The following HSD17B4 variants were observed in gnomAD, a reference collection of about 807,000 sequenced individuals.
HSD17B4 encodes hydroxysteroid 17-beta dehydrogenase 4.
A neutral mutation model predicts 101.0 loss-of-function variants in HSD17B4; 70 were observed. The observed-to-expected ratio is 0.69, with a 90% CI of 0.57 to 0.85. HSD17B4 has a LOEUF of 0.85. Among genes scored for constraint, HSD17B4 ranks in the 40% least tolerant of loss-of-function variants. The pLI is 0.00. For missense variants in HSD17B4, 984 were observed against 892.4 expected, an observed-to-expected ratio of 1.10 and a Z score of -1.31; for synonymous variants, 347 against 297.1, an observed-to-expected ratio of 1.17 and a Z score of -1.73.
chr5:119,538,156 C>G (rs542839086), intron 23 of HSD17B4, among the ~76,000 whole-genome samples: 1 of 152,130 alleles, frequency 6.6e-6, no homozygotes, highest in African/African-American at 2.4e-5. Context: ...ATTTTTCTCC[C>G]CCAGTCTCTT....
rs377416627 is a variant in HSD17B4, at chr5:119,479,827, TA to T, written c.622+808del. On this transcript the variant is annotated intron_variant, in intron 8 of 23. Coordinates refer to ENST00000510025, the MANE Select transcript of HSD17B4 (RefSeq NM_000414.4). ...TCATGTGCAGGTTTTTGTGTGGACA[TA>T]AGTTTTTAAGTCGTGTAAATACCAT... 6.2e-3 allele frequency among the ~76,000 whole-genome samples: 943 copies of T among 152,276 alleles called. 6 individuals carry two copies. The highest frequency in any genetic ancestry group is 9.2e-3 in the Non-Finnish European group (629 of 68,018).
Position 119,525,236 on chromosome 5 carries a change from T to A in HSD17B4, c.1524T>A (p.Ser508Arg). The change falls in exon 18 of 24, where the codon AGT becomes AGA. Residue 508 changes from serine to arginine, a missense_variant. Coordinates refer to ENST00000510025, the MANE Select transcript of HSD17B4 (RefSeq NM_000414.4). ...SLNQAALYRL[S>R]GDWNPLHIDP... ...CACAGGCTGCTTTGTACCGCCTCAG[T>A]GGAGACTGGAATCCCTTACACATTG... 1.2e-6 allele frequency: 2 copies of A among 1,612,372 alleles called. No homozygotes were observed. Among genetic ancestry groups the A allele is most frequent in the Non-Finnish European group, 1.7e-6 (2 of 1,178,646 alleles).
Position 119,509,386 on chromosome 5 carries a change from C to A in HSD17B4, c.1437+142C>A, listed in dbSNP as rs76336613. 137 of 724,094 alleles carry A rather than the reference C, an allele frequency of 1.9e-4. 1 individual carries two copies. In the African/African-American group the frequency reaches 2.1e-3, roughly 11 times the overall value. 44.9% of individuals were successfully genotyped at this position (724,094 alleles called of 1,614,324 possible). A position where few individuals can be genotyped will look rare whatever the true frequency, so the allele number is the denominator to read the frequency against. On this transcript the variant is annotated intron_variant, in intron 16 of 23. Transcript: ENST00000510025. The stretch of plus-strand genomic sequence containing the variant: ...TATACATCTGCCACCCCTGGGACAC[C>A]AAGACCAGTCCCTCTTCTTCCTCCT...
chr5:119,531,512 G>GT (rs1481563058), intron 22 of HSD17B4, 108 bp downstream of exon 22: 1 of 1,150,746 alleles, frequency 8.7e-7, no homozygotes, highest in Non-Finnish European at 1.3e-6. Flanking sequence ...ACCTTTTTAG[G>GT]TAAGTTTTTT....
intron 22 of HSD17B4, 51 bp downstream of exon 22, chr5:119,531,455 A>T: frequency 6.4e-7 from 1 of 1,550,984 alleles, no homozygotes; most frequent in Admixed American, 1.7e-5. Flanking sequence ...CTTAGTAAAT[A>T]AAGTATCTTT....
chr5:119,541,979 C>G lies in HSD17B4; in HGVS notation c.2196C>G (p.Asp732Glu). Residue 732 changes from aspartate (D) to glutamate (E), a missense_variant, in exon 24 of 24, where the codon GAC (aspartate) becomes GAG (glutamate). Transcript: ENST00000510025. ...AGAAACTTCAGATGATTCTTAAAGA[C>G]TACGCCAAGCTCTGAAGGGCACACT... ...LSQKLQMILK[D>E]YAKL is the part of the protein sequence containing the mutation. 6.2e-7 allele frequency: 1 copy of G among 1,610,144 alleles called. No homozygotes were observed. Among genetic ancestry groups the G allele is most frequent in the Non-Finnish European group, 8.5e-7 (1 of 1,176,758 alleles).
intron 11 of HSD17B4, among the ~76,000 whole-genome samples, chr5:119,495,008 TAGA>T (rs1339375410): frequency 6.6e-6 from 1 of 151,556 alleles, no homozygotes; most frequent in African/African-American, 2.4e-5. Context: ...TAAAGTTTGA[TAGA>T]AGAATATATT....
intron 11 of HSD17B4, among the ~76,000 whole-genome samples, chr5:119,494,811 A>G (rs527339328): frequency 6.6e-6 from 1 of 152,302 alleles, no homozygotes; most frequent in Non-Finnish European, 1.5e-5. Flanking sequence ...ATTGCTTATT[A>G]ACTTGAATTA....
intron 20 of HSD17B4, 24 bp from the exon 21 acceptor site, chr5:119,529,869 CT>C (rs753928040): frequency 1.5e-3 from 1,824 of 1,244,910 alleles, no homozygotes; most frequent in Non-Finnish European, 1.8e-3. Context: ...CAGAATAAAT[CT>C]TTTTTTTTTC....
chr5:119,473,716 G>A lies in HSD17B4; in HGVS notation c.113-192G>A, dbSNP rs1458398676. ...ATAGTTTTGCTGTTTCTTTATGTCT[G>A]TATTCAAAAATGAAGAGGAATGTTT... On this transcript the variant is annotated intron_variant, in intron 2 of 23. Coordinates refer to ENST00000510025, the MANE Select transcript of HSD17B4 (RefSeq NM_000414.4). 2.0e-5 allele frequency among the ~76,000 whole-genome samples: 3 copies of A among 152,144 alleles called. No homozygotes were observed. In the South Asian group the frequency reaches 6.2e-4, roughly 32 times the overall value.
At chr5:119,513,906 A>C (rs1467554553) in intron 16 of HSD17B4, among the ~76,000 whole-genome samples, 1 of 152,134 alleles carries the variant, frequency 6.6e-6, no homozygotes. Flanking sequence ...AATAAAAGGT[A>C]CTCAGAATTT....
intron 1 of HSD17B4, among the ~76,000 whole-genome samples, chr5:119,454,614 A>G (rs1448086330): frequency 6.6e-6 from 1 of 151,064 alleles, no homozygotes; most frequent in Non-Finnish European, 1.5e-5. Context: ...AAAACTGTAT[A>G]TTTTTGGTTC....
chr5:119,503,120 G>GTGTA (rs1554065822), intron 14 of HSD17B4, among the ~76,000 whole-genome samples: 1 of 151,140 alleles, frequency 6.6e-6, no homozygotes, highest in African/African-American at 2.4e-5. Context: ...GTGTGTATGT[G>GTGTA]TGCATGTATG....
intron 15 of HSD17B4, 107 bp from the exon 16 acceptor site, chr5:119,509,034 G>C (rs1277668317): frequency 9.8e-6 from 7 of 713,742 alleles, no homozygotes; most frequent in African/African-American, 1.8e-5. Flanking sequence ...TTCAGTAATT[G>C]GATTTTGTTT....
At chr5:119,524,645 A>G (rs192325029) in intron 17 of HSD17B4, among the ~76,000 whole-genome samples, 2 of 152,220 alleles carry the variant, frequency 1.3e-5, no homozygotes, top group Admixed American at 1.3e-4. Flanking sequence ...TACTTTATCT[A>G]AGTAAACTAG....
intron 8 of HSD17B4, among the ~76,000 whole-genome samples, chr5:119,487,651 T>C (rs997803223): frequency 2.6e-5 from 4 of 152,162 alleles, no homozygotes; most frequent in Admixed American, 6.5e-5. Flanking sequence ...TGTTCTTTTC[T>C]TTTTTCTCAC....
rs2126590924 is a variant in HSD17B4, at chr5:119,452,641, T to A, written c.58+8T>A. ...TCACCGGCGCGGGGGCAGGTGAGCA[T>A]GCGAAGGTTGGAGGCCGCGCCCCTT... On this transcript the variant is annotated splice_region_variant and intron_variant, in intron 1 of 23. Transcript: ENST00000510025. 6.2e-7 allele frequency: 1 copy of A among 1,613,742 alleles called. No individual in the cohort carries two copies. Among genetic ancestry groups the A allele is most frequent in the Non-Finnish European group, 8.5e-7 (1 of 1,179,930 alleles).
intron 2 of HSD17B4, chr5:119,472,585 C>A (rs1458741663): frequency 1.3e-5 from 2 of 152,334 alleles, no homozygotes; most frequent in Admixed American, 1.3e-4. Flanking sequence ...AGGTGTGCAT[C>A]ATCACGCCCA....
chr5:119,463,392 A>G (rs927732329), intron 2 of HSD17B4, among the ~76,000 whole-genome samples: 3 of 152,128 alleles, frequency 2.0e-5, no homozygotes, highest in African/African-American at 7.2e-5. Context: ...GGATTAATTC[A>G]TATGGTAGTT....
Sources: allele counts gnomAD v4.1 joint callset (sites outside exome capture counted in the v4.1 genomes callset), GRCh38; gene constraint gnomAD v4.1.1; transcripts MANE v1.5; gene names NCBI Gene and HGNC (gene_info 2026-07-23, HGNC 2026-07-21).